SLC4A4: variants seen among roughly 807,000 people sequenced by gnomAD.
SLC4A4 encodes solute carrier family 4 member 4.
SLC4A4 carries 27 observed loss-of-function variants against 111.5 expected under a neutral mutation model. The ratio of observed to expected loss-of-function variants is 0.24; its 90% CI spans 0.18 to 0.33. The LOEUF (loss-of-function observed/expected upper bound fraction) is 0.33, where lower values mean the gene tolerates loss of function less well. Ranked by LOEUF, SLC4A4 falls within the 10% of genes least tolerant of loss-of-function variation. The pLI is 1.00. For missense variants in SLC4A4, 909 were observed against 1,315.5 expected, an observed-to-expected ratio of 0.69 and a Z score of 4.78; for synonymous variants, 443 against 463.4, an observed-to-expected ratio of 0.96 and a Z score of 0.57.
At chr4:71,148,490 C>T (rs1744236878) in intron 2 of SLC4A4, among the ~76,000 whole-genome samples, 1 of 152,032 alleles carries the variant, frequency 6.6e-6, no homozygotes, top group Non-Finnish European at 1.5e-5. Context: ...ATTATTTTGT[C>T]ACCCGGGTAT....
At chr4:71,372,557 C>T (rs1354073819) in intron 6 of SLC4A4, among the ~76,000 whole-genome samples, 1 of 152,204 alleles carries the variant, frequency 6.6e-6, no homozygotes, top group Non-Finnish European at 1.5e-5. Context: ...CATCTGAGCC[C>T]TTAGAAAACA....
intron 1 of SLC4A4, among the ~76,000 whole-genome samples, chr4:71,226,169 G>A (rs544459056): frequency 1.4e-4 from 22 of 152,208 alleles, no homozygotes; most frequent in African/African-American, 4.8e-4. Flanking sequence ...ATCTCACTAT[G>A]TTGCATAGGC....
intron 3 of SLC4A4, among the ~76,000 whole-genome samples, chr4:71,320,390 C>T (rs780042136): frequency 2.4e-4 from 36 of 152,098 alleles, no homozygotes; most frequent in Admixed American, 5.2e-4. Flanking sequence ...GTGGCCTCCT[C>T]TTGTGGATTT....
chr4:71,444,995 T>G (rs927723112), intron 8 of SLC4A4, among the ~76,000 whole-genome samples: 6 of 152,204 alleles, frequency 3.9e-5, no homozygotes, highest in African/African-American at 1.4e-4. Flanking sequence ...CTTGGTGTTA[T>G]TCCATTAATG....
At chr4:71,376,500 G>T (rs1732410880) in intron 6 of SLC4A4, among the ~76,000 whole-genome samples, 1 of 150,506 alleles carries the variant, frequency 6.6e-6, no homozygotes, top group Non-Finnish European at 1.5e-5. Context: ...ACTGCATCTG[G>T]CCTCCTAAAA....
intron 21 of SLC4A4, among the ~76,000 whole-genome samples, chr4:71,555,955 G>A (rs1680565838): frequency 6.6e-6 from 1 of 151,916 alleles, no homozygotes; most frequent in Admixed American, 6.6e-5. Context: ...CAGGAAACTG[G>A]AAGTACTTAT....
Position 71,306,699 on chromosome 4 carries a change from C to A in SLC4A4, c.254-32671C>A, listed in dbSNP as rs565942523. Among the ~76,000 whole-genome samples, 53 of 152,204 alleles carry A rather than the reference C, an allele frequency of 3.5e-4. 1 individual carries two copies. The highest frequency in any genetic ancestry group is 3.4e-3 in the Middle Eastern group (1 of 294). ...ATAGTAATTGCATAATGAAAGTTAGCAATTTTTATTTTTCATTTTGATACA... is the reference window on the plus strand; with the variant it reads ...ATAGTAATTGCATAATGAAAGTTAGAAATTTTTATTTTTCATTTTGATACA... On this transcript the variant is annotated intron_variant, in intron 3 of 25. Coordinates refer to ENST00000264485, the MANE Select transcript of SLC4A4 (RefSeq NM_001098484.3).
intron 2 of SLC4A4, among the ~76,000 whole-genome samples, chr4:71,106,705 T>C (rs1423837605): frequency 2.9e-5 from 4 of 139,904 alleles, no homozygotes; most frequent in Non-Finnish European, 6.2e-5. Flanking sequence ...TTCTCACTCA[T>C]AGGTGGGAAT....
intron 4 of SLC4A4, among the ~76,000 whole-genome samples, chr4:71,349,292 G>C (rs984251628): frequency 2.6e-5 from 4 of 152,262 alleles, no homozygotes; most frequent in Non-Finnish European, 4.4e-5. Context: ...CAGACTTGAA[G>C]GGTAAAGCTT....
chr4:71,255,174 A>C, intron 2 of SLC4A4, 46 bp from the exon 3 acceptor site: 23 of 1,520,540 alleles, frequency 1.5e-5, no homozygotes, highest in East Asian at 2.3e-5. Flanking sequence ...TGTCTGCAGT[A>C]GAGAATGTGG....
At chr4:71,098,092 A>G (rs964547691) in intron 2 of SLC4A4, among the ~76,000 whole-genome samples, 5 of 152,052 alleles carry the variant, frequency 3.3e-5, no homozygotes, top group African/African-American at 1.2e-4. Flanking sequence ...GTCATGAAGT[A>G]TTTGCCTGTT....
intron 3 of SLC4A4, among the ~76,000 whole-genome samples, chr4:71,276,310 C>A (rs149849515): frequency 1.3e-5 from 2 of 151,746 alleles, no homozygotes; most frequent in East Asian, 3.9e-4. Context: ...TGTGTGACAT[C>A]GTATGATGTG....
intron 3 of SLC4A4, among the ~76,000 whole-genome samples, chr4:71,264,283 T>C (rs1722080196): frequency 6.6e-6 from 1 of 152,198 alleles, no homozygotes; most frequent in African/African-American, 2.4e-5. Context: ...AAAAAACACA[T>C]TGCACATGAT....
intron 20 of SLC4A4, among the ~76,000 whole-genome samples, chr4:71,553,359 G>A (rs570118062): frequency 2.0e-5 from 3 of 151,998 alleles, no homozygotes; most frequent in African/African-American, 7.2e-5. Context: ...CAAGGCAAAA[G>A]TGTCCTTCAC....
rs920978858 is a variant in SLC4A4, at chr4:71,570,024, T to C, written c.*2273T>C. On this transcript the variant is annotated 3_prime_UTR_variant, in exon 26 of 26. Coordinates refer to ENST00000264485, the MANE Select transcript of SLC4A4 (RefSeq NM_001098484.3). ...AATATAAACTGGTATAAGAAGACTT[T>C]CCTTTTTTCTTTATGCATGGAAGCA... The C allele has an allele frequency of 2.6e-5, 4 of 151,714 alleles. No individual in the cohort carries two copies. Among genetic ancestry groups the C allele is most frequent in the Non-Finnish European group, 5.9e-5 (4 of 67,832 alleles). The allele number at this position is 151,714 out of a possible 1,614,324, so 9.4% of individuals were successfully genotyped here.
upstream of SLC4A4, among the ~76,000 whole-genome samples, chr4:71,185,242 T>C (rs1427908694): frequency 2.0e-5 from 3 of 152,226 alleles, no homozygotes; most frequent in Admixed American, 1.3e-4. Context: ...GCCAGCTATG[T>C]TGAAATACAT....
At chr4:71,366,601 T>G (rs1731350881) in intron 6 of SLC4A4, among the ~76,000 whole-genome samples, 1 of 151,974 alleles carries the variant, frequency 6.6e-6, no homozygotes, top group African/African-American at 2.4e-5. Context: ...CAGGCAAAAG[T>G]GATGTAAAGA....
intron 2 of SLC4A4, among the ~76,000 whole-genome samples, chr4:71,156,128 G>A (rs1246215887): frequency 2.6e-5 from 4 of 152,140 alleles, no homozygotes; most frequent in African/African-American, 9.7e-5. Context: ...GATGATGCAG[G>A]GCATCACCAG....
intron 7 of SLC4A4, among the ~76,000 whole-genome samples, chr4:71,422,287 G>A (rs1277216430): frequency 6.9e-6 from 1 of 144,524 alleles, no homozygotes; most frequent in Non-Finnish European, 1.5e-5. Flanking sequence ...ACTAAACCAG[G>A]AAGAAGTTGA....
Sources: allele counts gnomAD v4.1 joint callset (sites outside exome capture counted in the v4.1 genomes callset), GRCh38; gene constraint gnomAD v4.1.1; transcripts MANE v1.5; gene names NCBI Gene and HGNC (gene_info 2026-07-23, HGNC 2026-07-21).